PARN: variants seen among roughly 807,000 people sequenced by gnomAD.
The protein encoded by PARN is poly(A)-specific ribonuclease.
PARN carries 71 observed loss-of-function variants against 102.8 expected under a neutral mutation model. The observed-to-expected ratio is 0.69, with a 90% CI of 0.57 to 0.84. The LOEUF (loss-of-function observed/expected upper bound fraction) is 0.84, where lower values mean the gene tolerates loss of function less well. Among genes scored for constraint, PARN ranks in the 40% least tolerant of loss-of-function variants. The pLI is 0.00. For missense variants in PARN, 782 were observed against 760.9 expected (o/e 1.03, Z -0.33); for synonymous variants, 261 against 252.9 (o/e 1.03, Z -0.30).
chr16:14,558,052 G>A (rs929289049), intron 18 of PARN, among the ~76,000 whole-genome samples: 1 of 152,114 alleles, frequency 6.6e-6, no homozygotes, highest in Admixed American at 6.5e-5. Context: ...TGTTAGTCAT[G>A]CTTCATATAA....
chr16:14,603,412 T>C (rs900755884), intron 11 of PARN, among the ~76,000 whole-genome samples: 2 of 152,124 alleles, frequency 1.3e-5, no homozygotes, highest in African/African-American at 4.8e-5. Context: ...TTCATCCACA[T>C]GCAAACCCAC....
At chr16:14,493,839 T>G (rs1000521775) in intron 21 of PARN, among the ~76,000 whole-genome samples, 1 of 152,224 alleles carries the variant, frequency 6.6e-6, no homozygotes, top group African/African-American at 2.4e-5. Flanking sequence ...CTGCTTTGAT[T>G]AGCCAGCCTG....
chr16:14,584,686 G>T, intron 15 of PARN, 63 bp downstream of exon 15: 1 of 1,149,750 alleles, frequency 8.7e-7, no homozygotes, highest in Non-Finnish European at 1.3e-6. Flanking sequence ...AGGCTATATT[G>T]TTCTGGCATT....
intron 18 of PARN, among the ~76,000 whole-genome samples, chr16:14,580,502 G>A (rs544912256): frequency 6.6e-6 from 1 of 151,916 alleles, no homozygotes; most frequent in African/African-American, 2.4e-5. Flanking sequence ...GGCCAGGCTG[G>A]CCTCGAACTC....
chr16:14,455,630 A>AGGGCCAGCTCTCCTCACTGTGCCGGTCT (rs1177896378), intron 22 of PARN, among the ~76,000 whole-genome samples: 1 of 152,234 alleles, frequency 6.6e-6, no homozygotes, highest in East Asian at 1.9e-4. Context: ...ACATCTTCCA[A>AGGGCCAGCTCTCCTCACTGTGCCGGTCT]CAAGACTTGG....
rs941979643 is a variant in PARN, at chr16:14,609,064, C to T, written c.614G>A (p.Cys205Tyr). 1 of 1,571,998 alleles carries T rather than the reference C, an allele frequency of 6.4e-7. No homozygotes were observed. Among genetic ancestry groups the T allele is most frequent in the Non-Finnish European group, 8.7e-7 (1 of 1,147,110 alleles). Reference sequence around the variant, plus strand: ...AATGTTCAGGACAACTAACCCGGTACATGGCTCTAAATCCAAGTTCTTGTT... The same window carrying T: ...AATGTTCAGGACAACTAACCCGGTATATGGCTCTAAATCCAAGTTCTTGTT... ...EENKNLDLEP[C>Y]TGFQRKLIYQ... The change falls in exon 8 of 24, where the codon TGT (cysteine) becomes TAT (tyrosine). Residue 205 changes from cysteine (C) to tyrosine (Y), a missense_variant. Cys to Tyr is a radical substitution (Grantham distance 194). Coordinates refer to ENST00000437198, the MANE Select transcript of PARN (RefSeq NM_002582.4).
intron 22 of PARN, among the ~76,000 whole-genome samples, chr16:14,452,666 A>G (rs1345259480): frequency 6.6e-6 from 1 of 152,178 alleles, no homozygotes; most frequent in Non-Finnish European, 1.5e-5. Context: ...GCTAATCTGT[A>G]TTTCTGCTCT....
At chr16:14,467,793 T>C (rs961996777) in intron 22 of PARN, among the ~76,000 whole-genome samples, 4 of 152,228 alleles carry the variant, frequency 2.6e-5, no homozygotes, top group African/African-American at 9.6e-5. Context: ...TGCCTTACTG[T>C]AAGCAAAGCA....
chr16:14,480,695 C>A (rs1001542655), intron 22 of PARN, among the ~76,000 whole-genome samples: 10 of 152,298 alleles, frequency 6.6e-5, no homozygotes, highest in African/African-American at 2.4e-4. Context: ...AATCCCAACA[C>A]TTTGGGAGGC....
chr16:14,617,191 T>C (rs1036326024), intron 6 of PARN, among the ~76,000 whole-genome samples: 25 of 151,358 alleles, frequency 1.7e-4, no homozygotes, highest in Non-Finnish European at 2.9e-4. Flanking sequence ...GAGACCATCC[T>C]GGCTAACACG....
intron 5 of PARN, among the ~76,000 whole-genome samples, chr16:14,622,816 A>G (rs1258223025): frequency 6.6e-6 from 1 of 152,084 alleles, no homozygotes; most frequent in Non-Finnish European, 1.5e-5. Flanking sequence ...CATTTTTTAC[A>G]ATGTAAGCCT....
intron 10 of PARN, among the ~76,000 whole-genome samples, chr16:14,604,849 C>A (rs778745218): frequency 3.3e-5 from 5 of 152,154 alleles, no homozygotes; most frequent in Non-Finnish European, 5.9e-5. Flanking sequence ...CTCCTGACCT[C>A]AAGTGATCTG....
chr16:14,588,005 T>C (rs1053578247), intron 13 of PARN, among the ~76,000 whole-genome samples: 1 of 152,168 alleles, frequency 6.6e-6, no homozygotes, highest in African/African-American at 2.4e-5. Flanking sequence ...GCTAACCACC[T>C]AGAAGGGGGT....
At chr16:14,552,495 G>C (rs1967370584) in intron 20 of PARN, among the ~76,000 whole-genome samples, 1 of 151,676 alleles carries the variant, frequency 6.6e-6, no homozygotes, top group Admixed American at 6.6e-5. Context: ...TTTTATTTTT[G>C]AGACAGAGTC....
intron 22 of PARN, 84 bp downstream of exon 22, chr16:14,482,554 T>G: frequency 9.4e-7 from 1 of 1,059,602 alleles, no homozygotes; most frequent in Non-Finnish European, 1.4e-6. Flanking sequence ...AAGTCAGATT[T>G]AGTACTTACA....
chr16:14,552,794 C>A (rs1158582556), intron 20 of PARN, among the ~76,000 whole-genome samples: 4 of 151,892 alleles, frequency 2.6e-5, no homozygotes, highest in African/African-American at 9.7e-5. Flanking sequence ...GCTAAAAATA[C>A]AAAATTAGCT....
chr16:14,465,661 T>C (rs1407843520), intron 22 of PARN, among the ~76,000 whole-genome samples: 1 of 152,138 alleles, frequency 6.6e-6, no homozygotes, highest in Non-Finnish European at 1.5e-5. Context: ...TATAAGCTGA[T>C]ACTGAAGTTC....
intron 21 of PARN, among the ~76,000 whole-genome samples, chr16:14,539,909 A>T (rs1420819830): frequency 1.3e-5 from 2 of 152,188 alleles, no homozygotes; most frequent in African/African-American, 4.8e-5. Context: ...TTTCCTAAAC[A>T]ATATACAATA....
At position 14,546,637 on chromosome 16, in the gene PARN, A is replaced by G. The variant is rs188368214; in HGVS notation, c.1480+5384T>C. On this transcript the variant is annotated intron_variant, in intron 21 of 23. Coordinates refer to ENST00000437198, the MANE Select transcript of PARN (RefSeq NM_002582.4). ...CTATAAAAATTATATTCAGAGACAC[A>G]ATGTCCTACGATGCATTTAAAGACA... Among the ~76,000 whole-genome samples, 412 of 152,352 alleles carry G rather than the reference A, an allele frequency of 2.7e-3. 3 individuals are homozygous for G. Among genetic ancestry groups the G allele is most frequent in the Non-Finnish European group, 5.0e-3 (338 of 68,036 alleles).
Sources: allele counts gnomAD v4.1 joint callset (sites outside exome capture counted in the v4.1 genomes callset), GRCh38; gene constraint gnomAD v4.1.1; transcripts MANE v1.5; gene names NCBI Gene and HGNC (gene_info 2026-07-23, HGNC 2026-07-21).